The following MAN1A1 variants were observed in gnomAD, a reference collection of about 807,000 sequenced individuals.
The protein encoded by MAN1A1 is mannosyl-oligosaccharide 1,2-alpha-mannosidase IA.
A neutral mutation model predicts 70.8 loss-of-function variants in MAN1A1; 29 were observed. The ratio of observed to expected loss-of-function variants is 0.41; its 90% CI spans 0.31 to 0.56. The LOEUF (loss-of-function observed/expected upper bound fraction) is 0.56. Ranked by LOEUF, MAN1A1 falls within the 20% of genes least tolerant of loss-of-function variation. The probability of loss-of-function intolerance (pLI) is 0.29; values close to 1 mark genes in which losing one functional copy is unlikely to be tolerated. For missense variants in MAN1A1, 747 were observed against 841.3 expected (o/e 0.89, Z 1.39); for synonymous variants, 349 against 330.1 (o/e 1.06, Z -0.62).
chr6:119,322,509 C>G lies in MAN1A1; in HGVS notation c.604-15517G>C, dbSNP rs17081022. On this transcript the variant is annotated intron_variant, in intron 2 of 12. Transcript: ENST00000368468. Reference sequence around the variant, plus strand: ...TCTTTGGGACCCTCTAGTCACTGGTCCAGAGTACCACAATAAAATGCCACT... The same window carrying G: ...TCTTTGGGACCCTCTAGTCACTGGTGCAGAGTACCACAATAAAATGCCACT... Among the ~76,000 whole-genome samples, 899 of 152,210 alleles carry G rather than the reference C, an allele frequency of 5.9e-3. 30 individuals carry two copies. In the East Asian group the frequency reaches 0.091, roughly 15 times the overall value.
chr6:119,349,570 G>C lies in MAN1A1; in HGVS notation c.-251C>G. The C allele has an allele frequency of 2.0e-6, 2 of 986,112 alleles. No homozygotes were observed. The highest frequency in any genetic ancestry group is 2.4e-6 in the Non-Finnish European group (2 of 830,150). The allele number at this position is 986,112 out of a possible 1,614,324, so 61.1% of individuals were successfully genotyped here. On this transcript the variant is annotated 5_prime_UTR_variant, in exon 1 of 13. Coordinates refer to ENST00000368468, the MANE Select transcript of MAN1A1 (RefSeq NM_005907.4). ...TGGGCAGGAGGGGCGCAGCGTGGGC[G>C]GGAGACTCGTCAACTTCGCCCGCTC...
intron 2 of MAN1A1, among the ~76,000 whole-genome samples, chr6:119,332,295 A>C (rs544136478): frequency 1.6e-4 from 24 of 152,208 alleles, no homozygotes; most frequent in Non-Finnish European, 3.1e-4. Context: ...GTATAAAATC[A>C]ATTAAGGAGC....
intron 6 of MAN1A1, among the ~76,000 whole-genome samples, chr6:119,236,305 G>A (rs1240128091): frequency 6.6e-6 from 1 of 152,138 alleles, no homozygotes; most frequent in Non-Finnish European, 1.5e-5. Context: ...AAATATTACT[G>A]CTCATTGACA....
intron 6 of MAN1A1, among the ~76,000 whole-genome samples, chr6:119,217,679 C>G (rs1235200394): frequency 6.6e-6 from 1 of 152,170 alleles, no homozygotes; most frequent in African/African-American, 2.4e-5. Context: ...AAAATTTACA[C>G]AAGTAATGCA....
At chr6:119,213,701 C>G (rs948046266) in intron 6 of MAN1A1, among the ~76,000 whole-genome samples, 12 of 152,140 alleles carry the variant, frequency 7.9e-5, no homozygotes, top group Admixed American at 3.3e-4. Flanking sequence ...CACCAGCGCT[C>G]CCTCAAAAAG....
chr6:119,263,522 G>A (rs771161957), intron 5 of MAN1A1, among the ~76,000 whole-genome samples: 51 of 152,212 alleles, frequency 3.4e-4, no homozygotes, highest in Non-Finnish European at 4.7e-4. Context: ...GTGTAAGAAG[G>A]GTGAGGACTG....
chr6:119,222,927 G>A (rs1774404563), intron 6 of MAN1A1, among the ~76,000 whole-genome samples: 1 of 152,020 alleles, frequency 6.6e-6, no homozygotes, highest in Admixed American at 6.6e-5. Context: ...TATTCAAAAG[G>A]GAAGGGAAAT....
chr6:119,186,013 T>G (rs1240735808), intron 11 of MAN1A1, among the ~76,000 whole-genome samples: 4 of 151,834 alleles, frequency 2.6e-5, no homozygotes, highest in African/African-American at 4.8e-5. Flanking sequence ...AAATGATGGA[T>G]GAGGAAAGGA....
rs890806477 is a variant in MAN1A1 at position 119,339,102 on chromosome 6, A to C, written c.603+9361T>G. ...ACACAGGAGAAAGTGTTGATCAAAGAAAAGCAAACTGAAAATGCCATATAC... is the reference window on the plus strand; with the variant it reads ...ACACAGGAGAAAGTGTTGATCAAAGCAAAGCAAACTGAAAATGCCATATAC... On this transcript the variant is annotated intron_variant, in intron 2 of 12. Coordinates refer to ENST00000368468, the MANE Select transcript of MAN1A1 (RefSeq NM_005907.4). Among the ~76,000 whole-genome samples the C allele has an allele frequency of 4.6e-5, 7 of 152,232 alleles. No individual in the cohort carries two copies. The East Asian group carries it at 1.3e-3, about 29-fold the overall frequency.
intron 6 of MAN1A1, among the ~76,000 whole-genome samples, chr6:119,235,997 G>C (rs1309725994): frequency 6.6e-6 from 1 of 152,040 alleles, no homozygotes; most frequent in Non-Finnish European, 1.5e-5. Context: ...AAATTAACCA[G>C]GTGTGGTGGT....
At chr6:119,314,782 C>G (rs1772806862) in intron 2 of MAN1A1, among the ~76,000 whole-genome samples, 1 of 152,162 alleles carries the variant, frequency 6.6e-6, no homozygotes, top group Admixed American at 6.5e-5. Flanking sequence ...ACCCTCACAG[C>G]ACCACCTTTC....
chr6:119,209,169 AC>A (rs2114955284), intron 6 of MAN1A1, among the ~76,000 whole-genome samples: 1 of 152,104 alleles, frequency 6.6e-6, no homozygotes, highest in Non-Finnish European at 1.5e-5. Flanking sequence ...ATATTTGGCT[AC>A]CTATTATCAT....
chr6:119,308,596 T>C (rs1772597541), intron 2 of MAN1A1, among the ~76,000 whole-genome samples: 1 of 152,170 alleles, frequency 6.6e-6, no homozygotes, highest in Admixed American at 6.5e-5. Context: ...GCATACTGCT[T>C]GACAGATGGC....
At chr6:119,225,731 T>G (rs1339007012) in intron 6 of MAN1A1, among the ~76,000 whole-genome samples, 1 of 152,176 alleles carries the variant, frequency 6.6e-6, no homozygotes, top group East Asian at 1.9e-4. Context: ...GACGCAAGAA[T>G]GGCATCTTCA....
In MAN1A1 at chr6:119,287,952, G is replaced by A. The variant is rs148976676; in HGVS notation, c.897+2731C>T. ...TTCTTATATAGCATTTGAAAATACT[G>A]ATGCTTGACTTTTTTATGGTGCTAC... On this transcript the variant is annotated intron_variant, in intron 5 of 12. Transcript: ENST00000368468. 6.1e-3 allele frequency among the ~76,000 whole-genome samples: 923 copies of A among 152,042 alleles called. 6 individuals are homozygous for A. The highest frequency in any genetic ancestry group is 0.021 in the African/African-American group (873 of 41,516).
At chr6:119,212,312 G>T (rs1774077011) in intron 6 of MAN1A1, among the ~76,000 whole-genome samples, 1 of 152,112 alleles carries the variant, frequency 6.6e-6, no homozygotes, top group African/African-American at 2.4e-5. Flanking sequence ...CTATTGGAAA[G>T]AACAGTTTAC....
Position 119,349,570 on chromosome 6 carries a change from G to A in MAN1A1, c.-251C>T. 1 of 986,112 alleles carries A rather than the reference G, an allele frequency of 1.0e-6. No homozygotes were observed. The highest frequency in any genetic ancestry group is 1.2e-6 in the Non-Finnish European group (1 of 830,150). 61.1% of individuals were successfully genotyped at this position (986,112 alleles called of 1,614,324 possible). A position where few individuals can be genotyped will look rare whatever the true frequency, so the allele number is the denominator to read the frequency against. On this transcript the variant is annotated 5_prime_UTR_variant, in exon 1 of 13. Transcript: ENST00000368468. ...TGGGCAGGAGGGGCGCAGCGTGGGC[G>A]GGAGACTCGTCAACTTCGCCCGCTC... is the stretch of plus-strand genomic sequence containing the variant.
In MAN1A1 at chr6:119,349,052, C is replaced by A; in HGVS notation, c.14G>T (p.Gly5Val). 2.3e-6 allele frequency: 3 copies of A among 1,320,010 alleles called. No homozygotes were observed. The highest frequency in any genetic ancestry group is 1.5e-5 in the African/African-American group (1 of 65,474). The allele number at this position is 1,320,010 out of a possible 1,614,324, so 81.8% of individuals were successfully genotyped here. A position where few individuals can be genotyped will look rare whatever the true frequency, so the allele number is the denominator to read the frequency against. Reference sequence around the variant, plus strand: ...GGGGCTGCTGAAGAGCGGCAACAGGCCCCCCACGGGCATCGCTCCCGCTGT... The same window carrying A: ...GGGGCTGCTGAAGAGCGGCAACAGGACCCCCACGGGCATCGCTCCCGCTGT... The part of the protein sequence containing the change: MPVG[G>V]LLPLFSSPAG... Residue 5 changes from glycine (G) to valine (V), a missense_variant, in exon 2 of 13, where the codon GGC becomes GTC. Coordinates refer to ENST00000368468, the MANE Select transcript of MAN1A1 (RefSeq NM_005907.4).
intron 6 of MAN1A1, among the ~76,000 whole-genome samples, chr6:119,236,666 A>C (rs948347097): frequency 6.7e-6 from 1 of 148,562 alleles, no homozygotes; most frequent in Admixed American, 6.8e-5. Context: ...CAAGATCGTG[A>C]CACTGCACTC....
Sources: allele counts gnomAD v4.1 joint callset (sites outside exome capture counted in the v4.1 genomes callset), GRCh38; gene constraint gnomAD v4.1.1; transcripts MANE v1.5; gene names NCBI Gene and HGNC (gene_info 2026-07-23, HGNC 2026-07-21).